Variants in DOCK1 observed in about 807,000 individuals in gnomAD.
DOCK1 encodes dedicator of cytokinesis 1.
Under a neutral mutation model 262.7 loss-of-function variants are expected in DOCK1, and 138 were observed. That is an observed-to-expected ratio of 0.53 (90% CI 0.46 to 0.61). The LOEUF (loss-of-function observed/expected upper bound fraction) is 0.61. Among genes scored for constraint, DOCK1 ranks in the 20% least tolerant of loss-of-function variants. The pLI is 0.00. For synonymous variants in DOCK1, 866 were observed against 867.4 expected (o/e 1.00, Z 0.03); for missense variants, 1,908 against 2,370.7 (o/e 0.80, Z 4.05).
intron 31 of DOCK1, among the ~76,000 whole-genome samples, chr10:127,350,074 CT>C (rs1286465294): frequency 6.6e-6 from 1 of 152,100 alleles, no homozygotes; most frequent in Non-Finnish European, 1.5e-5. Flanking sequence ...ATAGACTTTT[CT>C]TTTCTTTTTT....
At chr10:126,990,404 A>G in intron 5 of DOCK1, 51 bp from the exon 6 acceptor site, 1 of 1,543,420 alleles carries the variant, frequency 6.5e-7, no homozygotes, top group Admixed American at 2.0e-5. Context: ...TACCATCTCC[A>G]CAATGCTGTT....
chr10:127,356,875 A>T lies in DOCK1; in HGVS notation c.3283+2148A>T, dbSNP rs1024803896. On this transcript the variant is annotated intron_variant, in intron 32 of 51. Coordinates refer to ENST00000623213, the MANE Select transcript of DOCK1 (RefSeq NM_001290223.2). ...TTTTCTTCTGTGTTGTTCCATTTCA[A>T]CTCTAAAGTATAGACAGGGAATTGC... Among the ~76,000 whole-genome samples, 3 of 151,906 alleles carry T rather than the reference A, an allele frequency of 2.0e-5. No homozygotes were observed. In the South Asian group the frequency reaches 6.2e-4, roughly 32 times the overall value.
intron 50 of DOCK1, 147 bp from the exon 51 acceptor site, chr10:127,447,247 C>T: frequency 1.7e-6 from 2 of 1,146,774 alleles, no homozygotes; most frequent in East Asian, 2.6e-5. Flanking sequence ...CCTCCCTGCC[C>T]TCATCTGCTC....
chr10:127,370,341 C>G (rs1463506373), intron 33 of DOCK1, among the ~76,000 whole-genome samples: 1 of 152,156 alleles, frequency 6.6e-6, no homozygotes, highest in African/African-American at 2.4e-5. Flanking sequence ...CTCTTGATAA[C>G]CTCGGAGCCC....
rs77134121 is a variant in DOCK1, at chr10:126,986,983, A to G, written c.228-538A>G. Among the ~76,000 whole-genome samples the G allele has an allele frequency of 3.3e-3, 498 of 152,332 alleles. 6 individuals are homozygous for G. Among genetic ancestry groups the G allele is most frequent in the African/African-American group, 0.011 (476 of 41,576 alleles). ...GGATAAGAAAGAGGATACAGAGTTT[A>G]ATCAGAGTTGGCATCAGATAGAGTA... On this transcript the variant is annotated intron_variant, in intron 4 of 51. Transcript: ENST00000623213.
intron 28 of DOCK1, among the ~76,000 whole-genome samples, chr10:127,256,372 A>C (rs2059825273): frequency 6.6e-6 from 1 of 152,084 alleles, no homozygotes; most frequent in Non-Finnish European, 1.5e-5. Flanking sequence ...CATTGCACCT[A>C]ATTATGATTC....
At chr10:126,954,147 C>T (rs1355933900) in intron 1 of DOCK1, among the ~76,000 whole-genome samples, 2 of 152,210 alleles carry the variant, frequency 1.3e-5, no homozygotes, top group Non-Finnish European at 2.9e-5. Context: ...TACTGTGGTG[C>T]AAAAGCAATC....
At chr10:127,402,651 C>G in intron 38 of DOCK1, 1 of 519,286 alleles carries the variant, frequency 1.9e-6, no homozygotes, top group South Asian at 1.4e-5. Flanking sequence ...CCAAGTCAGG[C>G]GCCCAGTTTC....
intron 27 of DOCK1, among the ~76,000 whole-genome samples, chr10:127,160,456 G>A (rs547243255): frequency 5.1e-4 from 77 of 152,308 alleles, no homozygotes; most frequent in Admixed American, 1.7e-3. Context: ...GCCCCTCCCT[G>A]GAAGATGTGT....
At chr10:127,370,225 T>A (rs1367581615) in intron 33 of DOCK1, among the ~76,000 whole-genome samples, 3 of 152,236 alleles carry the variant, frequency 2.0e-5, no homozygotes, top group African/African-American at 7.2e-5. Flanking sequence ...TAGAGCACTC[T>A]GGGCAAAGAG....
In DOCK1 at chr10:127,449,778, G is replaced by C. The variant is rs79971073; in HGVS notation, c.5566-1554G>C. Among the ~76,000 whole-genome samples, 1,151 of 152,220 alleles carry C rather than the reference G, an allele frequency of 7.6e-3. 16 individuals carry two copies. The highest frequency in any genetic ancestry group is 0.026 in the African/African-American group (1,071 of 41,536). ...TCAATATCCTCCTGTCACTCTCATT[G>C]ATCAGCCTCAGGCTTGTAGGCAACT... is the stretch of plus-strand genomic sequence containing the variant. On this transcript the variant is annotated intron_variant, in intron 51 of 51. Transcript: ENST00000623213.
chr10:127,053,669 G>A (rs2135748695), intron 22 of DOCK1, among the ~76,000 whole-genome samples: 1 of 152,300 alleles, frequency 6.6e-6, no homozygotes, highest in South Asian at 2.1e-4. Flanking sequence ...TTATATATAT[G>A]TATATTTTGC....
chr10:127,439,972 G>A (rs916737196), intron 49 of DOCK1, among the ~76,000 whole-genome samples: 9 of 152,116 alleles, frequency 5.9e-5, no homozygotes, highest in Non-Finnish European at 8.8e-5. Flanking sequence ...TCTGTTTTGT[G>A]TTACTGCAAA....
intron 21 of DOCK1, among the ~76,000 whole-genome samples, chr10:127,051,308 T>G (rs548687700): frequency 1.3e-5 from 2 of 152,220 alleles, no homozygotes; most frequent in South Asian, 4.2e-4. Flanking sequence ...TTTAAAATCT[T>G]CATGTGTCCA....
intron 29 of DOCK1, among the ~76,000 whole-genome samples, chr10:127,332,593 C>A (rs2063032228): frequency 6.6e-6 from 1 of 152,138 alleles, no homozygotes; most frequent in Admixed American, 6.5e-5. Flanking sequence ...TCACCTCATT[C>A]CGAAAACTTT....
At chr10:126,931,897 C>G (rs1221305468) in intron 1 of DOCK1, among the ~76,000 whole-genome samples, 2 of 152,136 alleles carry the variant, frequency 1.3e-5, no homozygotes, top group Non-Finnish European at 2.9e-5. Context: ...GCCCAGCCAG[C>G]TCAAACTCAA....
At chr10:126,982,551 T>C (rs1440409090) in intron 4 of DOCK1, among the ~76,000 whole-genome samples, 1 of 152,198 alleles carries the variant, frequency 6.6e-6, no homozygotes, top group Non-Finnish European at 1.5e-5. Flanking sequence ...CATTAAAATG[T>C]TTTCTTTTTT....
At chr10:127,033,002 C>G (rs1189804013) in intron 18 of DOCK1, among the ~76,000 whole-genome samples, 1 of 152,166 alleles carries the variant, frequency 6.6e-6, no homozygotes, top group East Asian at 1.9e-4. Context: ...CTGTGTTAAC[C>G]CTGGGGATGC....
chr10:127,397,801 G>A (rs115051658), intron 38 of DOCK1, among the ~76,000 whole-genome samples: 13,053 of 150,142 alleles, frequency 0.087, 591 homozygotes, highest in Middle Eastern at 0.13. Context: ...TGTATGACAC[G>A]GGCAGTGACT....
Sources: allele counts gnomAD v4.1 joint callset (sites outside exome capture counted in the v4.1 genomes callset), GRCh38; gene constraint gnomAD v4.1.1; transcripts MANE v1.5; gene names NCBI Gene and HGNC (gene_info 2026-07-23, HGNC 2026-07-21).